NAALADL2: variants seen among roughly 807,000 people sequenced by gnomAD.
The protein encoded by NAALADL2 is N-acetylated alpha-linked acidic dipeptidase like 2.
In NAALADL2, 76 loss-of-function variants were observed where a neutral mutation model predicts 87.2. The observed-to-expected ratio is 0.87, with a 90% CI of 0.72 to 1.05. The LOEUF (loss-of-function observed/expected upper bound fraction) is 1.05. NAALADL2 is among the 50% of genes least tolerant of loss of function. The probability of loss-of-function intolerance (pLI) is 0.00; values close to 1 mark genes in which losing one functional copy is unlikely to be tolerated. For synonymous variants in NAALADL2, 354 were observed against 331.0 expected, an observed-to-expected ratio of 1.07 and a Z score of -0.75; for missense variants, 1,089 against 945.8, an observed-to-expected ratio of 1.15 and a Z score of -1.99.
chr3:175,294,196 C>CA (rs1756015210), intron 4 of NAALADL2, among the ~76,000 whole-genome samples: 1 of 152,114 alleles, frequency 6.6e-6, no homozygotes, highest in African/African-American at 2.4e-5. Context: ...CCAGCCTAGA[C>CA]AAAAAGAAAA....
chr3:175,558,895 T>C (rs574786162), intron 9 of NAALADL2, among the ~76,000 whole-genome samples: 17 of 152,288 alleles, frequency 1.1e-4, no homozygotes, highest in African/African-American at 4.1e-4. Flanking sequence ...TAGAATAGCT[T>C]TGGCTATTCT....
At chr3:175,324,057 A>G in intron 4 of NAALADL2, 118 bp from the exon 5 acceptor site, 1 of 776,890 alleles carries the variant, frequency 1.3e-6, no homozygotes, top group Non-Finnish European at 2.0e-6. Context: ...AAAGAAAAAG[A>G]AAAAGAAAAA....
chr3:174,445,011 ATT>A (rs769110915), intron 1 of NAALADL2, among the ~76,000 whole-genome samples: 1 of 144,160 alleles, frequency 6.9e-6, no homozygotes, highest in Non-Finnish European at 1.5e-5. Context: ...CTTGTTTGAG[ATT>A]TTTTTTTTTT....
At chr3:175,639,941 C>T (rs1377228065) in intron 11 of NAALADL2, among the ~76,000 whole-genome samples, 1 of 151,992 alleles carries the variant, frequency 6.6e-6, no homozygotes, top group East Asian at 1.9e-4. Context: ...TTGGATATGC[C>T]AGAATGGATA....
At chr3:175,486,492 A>G (rs994995971) in intron 9 of NAALADL2, among the ~76,000 whole-genome samples, 4 of 152,158 alleles carry the variant, frequency 2.6e-5, no homozygotes, top group African/African-American at 9.7e-5. Context: ...TTCACCAATG[A>G]TAAATTTTGT....
chr3:175,414,481 C>T (rs1714215100), intron 5 of NAALADL2, among the ~76,000 whole-genome samples: 1 of 151,292 alleles, frequency 6.6e-6, no homozygotes, highest in African/African-American at 2.4e-5. Flanking sequence ...AAATGTTTTG[C>T]TTTTGTTTTT....
At chr3:175,463,362 T>C in intron 6 of NAALADL2, 39 bp from the exon 7 acceptor site, 1 of 1,264,258 alleles carries the variant, frequency 7.9e-7, no homozygotes, top group Non-Finnish European at 1.1e-6. Flanking sequence ...TACAATAAAA[T>C]ATAAAGAAGC....
intron 2 of NAALADL2, among the ~76,000 whole-genome samples, chr3:175,231,570 G>A (rs1744941700): frequency 6.6e-6 from 1 of 152,028 alleles, no homozygotes; most frequent in South Asian, 2.1e-4. Context: ...AGGCCTTATA[G>A]TATAAACATT....
At chr3:175,426,598 G>A (rs1716824564) in intron 5 of NAALADL2, among the ~76,000 whole-genome samples, 2 of 152,138 alleles carry the variant, frequency 1.3e-5, no homozygotes, top group Admixed American at 1.3e-4. Flanking sequence ...GCAATTCAAC[G>A]TTTGAATCTC....
intron 1 of NAALADL2, among the ~76,000 whole-genome samples, chr3:174,908,471 A>G (rs1415450907): frequency 6.6e-6 from 1 of 152,138 alleles, no homozygotes; most frequent in Non-Finnish European, 1.5e-5. Context: ...GAAACAGGCC[A>G]GTGGCTACAG....
chr3:175,102,481 G>T (rs1400771285), intron 2 of NAALADL2, among the ~76,000 whole-genome samples: 5 of 152,008 alleles, frequency 3.3e-5, no homozygotes, highest in African/African-American at 9.7e-5. Context: ...GGCTTTTATT[G>T]GTTCTTTCCC....
At position 175,496,740 on chromosome 3, in the gene NAALADL2, T is replaced by G. The variant is rs1231783748; in HGVS notation, c.1653+24982T>G. ...AGCTATTTTTTGTGTGGTTTTTTTT[T>G]GCAGAGACAGGGTTTTACCATGTTG... On this transcript the variant is annotated intron_variant, in intron 9 of 13. Transcript: ENST00000454872. Among the ~76,000 whole-genome samples the G allele has an allele frequency of 3.3e-5, 5 of 151,978 alleles. No homozygotes were observed. In the East Asian group the frequency reaches 9.7e-4, roughly 29 times the overall value.
At chr3:175,209,160 C>G (rs570074612) in intron 2 of NAALADL2, among the ~76,000 whole-genome samples, 1 of 152,012 alleles carries the variant, frequency 6.6e-6, no homozygotes, top group East Asian at 1.9e-4. Context: ...TAAAACATGT[C>G]GTCTGTTCCT....
intron 9 of NAALADL2, among the ~76,000 whole-genome samples, chr3:175,486,702 G>A (rs1439508516): frequency 1.2e-4 from 18 of 152,104 alleles, no homozygotes; most frequent in Admixed American, 1.2e-3. Flanking sequence ...CGATATGAGT[G>A]CCATAACACA....
chr3:175,161,290 A>C (rs1733167570), intron 2 of NAALADL2, among the ~76,000 whole-genome samples: 1 of 152,102 alleles, frequency 6.6e-6, no homozygotes, highest in African/African-American at 2.4e-5. Context: ...GATAATAAGT[A>C]GCTCACAAAG....
chr3:174,544,147 A>G (rs1355745459), intron 1 of NAALADL2, among the ~76,000 whole-genome samples: 1 of 152,152 alleles, frequency 6.6e-6, no homozygotes, highest in African/African-American at 2.4e-5. Flanking sequence ...CAACTGTTCC[A>G]GTTTTTTCTT....
At chr3:175,459,691 A>G (rs958756128) in intron 6 of NAALADL2, among the ~76,000 whole-genome samples, 1 of 152,146 alleles carries the variant, frequency 6.6e-6, no homozygotes, top group Admixed American at 6.5e-5. Context: ...CAATCTCTCT[A>G]GGTTTTAATT....
chr3:175,027,332 T>C (rs949316780), intron 1 of NAALADL2, among the ~76,000 whole-genome samples: 9 of 152,138 alleles, frequency 5.9e-5, no homozygotes, highest in Admixed American at 3.9e-4. Flanking sequence ...GAAGAAATAC[T>C]GTATAAAACA....
chr3:175,257,047 A>C (rs1474717312), intron 4 of NAALADL2: 1 of 152,198 alleles, frequency 6.6e-6, no homozygotes, highest in East Asian at 1.9e-4. Flanking sequence ...AATTGCTAAG[A>C]GTAGCAGAAT....
Sources: allele counts gnomAD v4.1 joint callset (sites outside exome capture counted in the v4.1 genomes callset), GRCh38; gene constraint gnomAD v4.1.1; transcripts MANE v1.5; gene names NCBI Gene and HGNC (gene_info 2026-07-23, HGNC 2026-07-21).